CREB5: variants seen among roughly 807,000 people sequenced by gnomAD.
CREB5 encodes cAMP responsive element binding protein 5.
In CREB5, 19 loss-of-function variants were observed where a neutral mutation model predicts 57.1. The ratio of observed to expected loss-of-function variants is 0.33; its 90% confidence interval spans 0.23 to 0.49. The LOEUF (loss-of-function observed/expected upper bound fraction) is 0.49. Among genes scored for constraint, CREB5 ranks in the 20% least tolerant of loss-of-function variants. CREB5 has a pLI of 0.99. For missense variants in CREB5, 579 were observed against 671.6 expected (o/e 0.86, Z 1.52); for synonymous variants, 238 against 238.3 (o/e 1.00, Z 0.01).
At chr7:28,465,300 G>A (rs1038407918) in intron 1 of CREB5, among the ~76,000 whole-genome samples, 2 of 152,228 alleles carry the variant, frequency 1.3e-5, no homozygotes, top group African/African-American at 4.8e-5. Flanking sequence ...GTGCAGTGCA[G>A]AGCAATTTGC....
chr7:28,628,122 G>C (rs760408328), intron 5 of CREB5, among the ~76,000 whole-genome samples: 1 of 151,764 alleles, frequency 6.6e-6, no homozygotes, highest in African/African-American at 2.4e-5. Flanking sequence ...TTCTTACTAC[G>C]GTATTGCCCA....
At chr7:28,779,656 T>C (rs1806858265) in intron 7 of CREB5, among the ~76,000 whole-genome samples, 1 of 152,216 alleles carries the variant, frequency 6.6e-6, no homozygotes, top group African/African-American at 2.4e-5. Context: ...GTCTTGGTCA[T>C]GAACAGAGGA....
At chr7:28,531,017 G>A (rs563923434) in intron 4 of CREB5, among the ~76,000 whole-genome samples, 1 of 152,260 alleles carries the variant, frequency 6.6e-6, no homozygotes, top group African/African-American at 2.4e-5. Flanking sequence ...AGTTTTACTG[G>A]GGAATGTGCT....
Position 28,435,687 on chromosome 7 carries a change from G to T in CREB5, c.3+22770G>T, listed in dbSNP as rs548168776. Reference sequence around the variant, plus strand: ...AATGAGGAGCTCATATTTATTTTCAGGGTAAGTGGTGGGGTTGTATAATAC... The same window carrying T: ...AATGAGGAGCTCATATTTATTTTCATGGTAAGTGGTGGGGTTGTATAATAC... On this transcript the variant is annotated intron_variant, in intron 1 of 10. Transcript: ENST00000357727. 9.0e-5 allele frequency: 89 copies of T among 984,776 alleles called. No homozygotes were observed. The South Asian group carries it at 3.8e-3, about 42-fold the overall frequency. The allele number at this position is 984,776 out of a possible 1,614,324, so 61.0% of individuals were successfully genotyped here.
chr7:28,517,516 C>A (rs1343543455), intron 4 of CREB5, among the ~76,000 whole-genome samples: 1 of 152,138 alleles, frequency 6.6e-6, no homozygotes, highest in African/African-American at 2.4e-5. Flanking sequence ...TCACCCAAGT[C>A]CCACCAAAGT....
intron 5 of CREB5, among the ~76,000 whole-genome samples, chr7:28,613,874 T>G (rs1301911298): frequency 3.3e-5 from 5 of 152,206 alleles, no homozygotes; most frequent in African/African-American, 1.2e-4. Context: ...CCAGAGAGGC[T>G]TCTTCCAGTT....
chr7:28,430,381 A>G (rs1189194713), intron 1 of CREB5, among the ~76,000 whole-genome samples: 1 of 152,204 alleles, frequency 6.6e-6, no homozygotes, highest in Non-Finnish European at 1.5e-5. Flanking sequence ...CTTTCAAGGA[A>G]CTTTTGAAAC....
chr7:28,402,678 A>T (rs560378152), intron 1 of CREB5, among the ~76,000 whole-genome samples: 7 of 152,320 alleles, frequency 4.6e-5, no homozygotes, highest in African/African-American at 1.4e-4. Flanking sequence ...TTAATTCAAG[A>T]TGGATTAAAG....
intron 5 of CREB5, among the ~76,000 whole-genome samples, chr7:28,687,908 A>C (rs906344734): frequency 3.3e-5 from 5 of 152,156 alleles, no homozygotes; most frequent in African/African-American, 1.2e-4. Flanking sequence ...TCTAAAGAGC[A>C]GGAAAGGGCA....
chr7:28,468,812 G>A (rs1186554763), intron 1 of CREB5, among the ~76,000 whole-genome samples: 1 of 152,168 alleles, frequency 6.6e-6, no homozygotes, highest in Non-Finnish European at 1.5e-5. Context: ...AGACCTATGA[G>A]GTAGTTGTCA....
At chr7:28,561,521 T>C (rs1795271022) in intron 4 of CREB5, among the ~76,000 whole-genome samples, 1 of 152,218 alleles carries the variant, frequency 6.6e-6, no homozygotes, top group African/African-American at 2.4e-5. Flanking sequence ...TATTACCTGA[T>C]TTAATCTTTA....
intron 5 of CREB5, among the ~76,000 whole-genome samples, chr7:28,599,885 C>G (rs111358014): frequency 1.3e-5 from 2 of 152,136 alleles, no homozygotes; most frequent in Non-Finnish European, 2.9e-5. Flanking sequence ...ATTGTCCACC[C>G]TTTTGTGATG....
chr7:28,810,348 G>A (rs902179071), intron 9 of CREB5, among the ~76,000 whole-genome samples: 1 of 152,116 alleles, frequency 6.6e-6, no homozygotes, highest in African/African-American at 2.4e-5. Context: ...AGAGAGTGGG[G>A]CAGGGAGGAA....
At chr7:28,741,220 AG>A (rs1254208434) in intron 7 of CREB5, among the ~76,000 whole-genome samples, 1 of 152,198 alleles carries the variant, frequency 6.6e-6, no homozygotes, top group Non-Finnish European at 1.5e-5. Context: ...TCAGTCATTC[AG>A]AACTCAAAAC....
intron 1 of CREB5, among the ~76,000 whole-genome samples, chr7:28,469,797 T>TG (rs1442326733): frequency 6.6e-6 from 1 of 152,180 alleles, no homozygotes; most frequent in Non-Finnish European, 1.5e-5. Flanking sequence ...TATTATAAGA[T>TG]GCAAGGAAAT....
chr7:28,821,339 C>G lies in CREB5; in HGVS notation c.*2060C>G, dbSNP rs916928916. 2 of 151,640 alleles carry G rather than the reference C, an allele frequency of 1.3e-5. No homozygotes were observed. The highest frequency in any genetic ancestry group is 2.4e-5 in the African/African-American group (1 of 41,270). 9.4% of individuals were successfully genotyped at this position (151,640 alleles called of 1,614,324 possible). A position where few individuals can be genotyped will look rare whatever the true frequency, so the allele number is the denominator to read the frequency against. On this transcript the variant is annotated 3_prime_UTR_variant, in exon 11 of 11. Transcript: ENST00000357727. ...AACTAGTTTCAGTTTTATCTAATAA[C>G]TTACTTTTTAAATCAATATTTATCA...
intron 1 of CREB5, among the ~76,000 whole-genome samples, chr7:28,400,257 A>AT (rs1348691679): frequency 1.3e-5 from 2 of 152,216 alleles, no homozygotes; most frequent in Non-Finnish European, 2.9e-5. Context: ...GCGTGACCTT[A>AT]TTCAAATTAC....
intron 1 of CREB5, among the ~76,000 whole-genome samples, chr7:28,390,695 C>T (rs1379948651): frequency 2.6e-5 from 4 of 152,156 alleles, no homozygotes; most frequent in Non-Finnish European, 4.4e-5. Flanking sequence ...AGGATAAAGA[C>T]TTGGAAAGTG....
intron 9 of CREB5, among the ~76,000 whole-genome samples, 170 bp from the exon 10 acceptor site, chr7:28,817,901 C>T (rs1809531864): frequency 6.6e-6 from 1 of 152,028 alleles, no homozygotes; most frequent in Non-Finnish European, 1.5e-5. Flanking sequence ...AATGTGAGGG[C>T]CAAATTAAAG....
Sources: gnomAD v4.1 joint callset for allele counts (sites outside exome capture counted in the v4.1 genomes callset) on GRCh38, gnomAD v4.1.1 for gene constraint, MANE v1.5 for transcripts, NCBI Gene and HGNC (gene_info 2026-07-23, HGNC 2026-07-21) for gene names.